The following PDZRN3 variants were observed in gnomAD, a reference collection of about 807,000 sequenced individuals.
PDZRN3 encodes the protein E3 ubiquitin-protein ligase PDZRN3.
A neutral mutation model predicts 85.7 loss-of-function variants in PDZRN3; 38 were observed. The ratio of observed to expected loss-of-function variants is 0.44; its 90% CI spans 0.34 to 0.58. PDZRN3 has a LOEUF of 0.58. Ranked by LOEUF, PDZRN3 falls within the 20% of genes least tolerant of loss-of-function variation. The pLI, the probability that PDZRN3 is intolerant of heterozygous loss-of-function variation, is 0.01. For synonymous variants in PDZRN3, 759 were observed against 638.0 expected, an observed-to-expected ratio of 1.19 and a Z score of -2.86; for missense variants, 1,629 against 1,506.4, an observed-to-expected ratio of 1.08 and a Z score of -1.35.
At chr3:73,420,690 C>G (rs1186858481) in intron 3 of PDZRN3, among the ~76,000 whole-genome samples, 4 of 152,176 alleles carry the variant, frequency 2.6e-5, no homozygotes, top group African/African-American at 9.7e-5. Context: ...AGATGACCCT[C>G]TTTGACCCAA....
chr3:73,576,097 T>C (rs1437609914), intron 3 of PDZRN3, among the ~76,000 whole-genome samples: 1 of 149,068 alleles, frequency 6.7e-6, no homozygotes, highest in Non-Finnish European at 1.5e-5. Context: ...ATTACACACA[T>C]GCATGCATAC....
intron 3 of PDZRN3, 153 bp from the exon 4 acceptor site, chr3:73,404,548 C>T (rs939175476): frequency 7.2e-6 from 5 of 696,892 alleles, no homozygotes; most frequent in Admixed American, 3.0e-5. Flanking sequence ...TTAGGTTTCC[C>T]GAAGAATGCC....
chr3:73,402,207 G>A (rs894941011), intron 4 of PDZRN3, among the ~76,000 whole-genome samples: 1 of 152,168 alleles, frequency 6.6e-6, no homozygotes, highest in African/African-American at 2.4e-5. Flanking sequence ...ATGTTAACTA[G>A]ACCTAAGAGG....
intron 3 of PDZRN3, among the ~76,000 whole-genome samples, chr3:73,532,761 G>C (rs934703235): frequency 5.3e-5 from 8 of 152,160 alleles, no homozygotes; most frequent in Non-Finnish European, 8.8e-5. Context: ...TAAGTGAAGA[G>C]GCATTACAGA....
chr3:73,489,518 A>G (rs1328760528), intron 3 of PDZRN3, among the ~76,000 whole-genome samples: 1 of 151,488 alleles, frequency 6.6e-6, no homozygotes, highest in Admixed American at 6.6e-5. Flanking sequence ...GTTGCCCTGC[A>G]TAAGACTAAA....
At chr3:73,513,223 C>T (rs1004847028) in intron 3 of PDZRN3, among the ~76,000 whole-genome samples, 2 of 152,162 alleles carry the variant, frequency 1.3e-5, no homozygotes, top group African/African-American at 2.4e-5. Context: ...AAGATTGCTA[C>T]GAGTGAGCTG....
At position 73,599,561 on chromosome 3, in the gene PDZRN3, G is replaced by T. The variant is rs562192929; in HGVS notation, c.918+2793C>A. Among the ~76,000 whole-genome samples the T allele has an allele frequency of 2.6e-5, 4 of 152,294 alleles. No homozygotes were observed. In the East Asian group the frequency reaches 5.8e-4, roughly 22 times the overall value. ...ATGCCACTGCATAACCATTTAAAAT[G>T]GTTAAAATGGTAAATTCTGTTATGT... is the stretch of plus-strand genomic sequence containing the variant. On this transcript the variant is annotated intron_variant, in intron 3 of 9. Transcript: ENST00000263666.
intron 3 of PDZRN3, among the ~76,000 whole-genome samples, chr3:73,450,256 G>A (rs1219465137): frequency 6.6e-6 from 1 of 152,098 alleles, no homozygotes; most frequent in Non-Finnish European, 1.5e-5. Context: ...GATCCCATAT[G>A]CCTTCTCAGT....
In PDZRN3 at chr3:73,492,345, T is replaced by C. The variant is rs369699697; in HGVS notation, c.919-87950A>G. Among the ~76,000 whole-genome samples, 60 of 152,320 alleles carry C rather than the reference T, an allele frequency of 3.9e-4. 5 individuals carry two copies. Among genetic ancestry groups the C allele is most frequent in the East Asian group, 1.9e-3 (10 of 5,194 alleles). Reference sequence around the variant, plus strand: ...GAGTAGCTTATATCATAGGCTGGGCTGTGTGCCTGTGAGCTCGCTACGGTC... The same window carrying C: ...GAGTAGCTTATATCATAGGCTGGGCCGTGTGCCTGTGAGCTCGCTACGGTC... On this transcript the variant is annotated intron_variant, in intron 3 of 9. Coordinates refer to ENST00000263666, the MANE Select transcript of PDZRN3 (RefSeq NM_015009.3).
chr3:73,534,433 T>C (rs1055551350), intron 3 of PDZRN3, among the ~76,000 whole-genome samples: 2 of 152,246 alleles, frequency 1.3e-5, no homozygotes, highest in Non-Finnish European at 2.9e-5. Flanking sequence ...TCTTTGGAAA[T>C]GAATTTTACA....
rs1032952408 is a variant in PDZRN3 at position 73,608,665 on chromosome 3, A to G, written c.743T>C (p.Leu248Pro). 1 of 1,611,792 alleles carries G rather than the reference A, an allele frequency of 6.2e-7. No individual in the cohort carries two copies. The highest frequency in any genetic ancestry group is 1.3e-5 in the African/African-American group (1 of 74,892). ...GGAGTCCCGATGCAGGACAAGAGTC[A>G]GACTTTTGGTTTCTTCGCCCTGCAG... ...PGGKGEETKS[L>P]TLVLHRDSGS... The change falls in exon 2 of 10, where the codon CTG (leucine) becomes CCG (proline). Residue 248 changes from leucine (L) to proline (P), a missense_variant. By Grantham distance (98) the Leu-to-Pro change is moderately conservative. Transcript: ENST00000263666.
At chr3:73,453,027 A>C (rs2106846351) in intron 3 of PDZRN3, among the ~76,000 whole-genome samples, 1 of 152,292 alleles carries the variant, frequency 6.6e-6, no homozygotes, top group Non-Finnish European at 1.5e-5. Flanking sequence ...TCTGCCATTG[A>C]ATACAAGGAA....
chr3:73,464,692 G>T (rs79399341), intron 3 of PDZRN3, among the ~76,000 whole-genome samples: 3,464 of 152,092 alleles, frequency 0.023, 54 homozygotes, highest in Non-Finnish European at 0.035. Flanking sequence ...AGAAAAAAAG[G>T]TGTCTCTTTT....
At chr3:73,488,064 T>C (rs1703697807) in intron 3 of PDZRN3, among the ~76,000 whole-genome samples, 1 of 85,918 alleles carries the variant, frequency 1.2e-5, no homozygotes, top group Non-Finnish European at 2.0e-5. Context: ...AGGGGGCAAA[T>C]GAAAGGCACA....
At chr3:73,491,437 A>T (rs570590479) in intron 3 of PDZRN3, among the ~76,000 whole-genome samples, 1 of 152,202 alleles carries the variant, frequency 6.6e-6, no homozygotes, top group African/African-American at 2.4e-5. Flanking sequence ...GAAGATGCAA[A>T]TTTATATTGC....
At chr3:73,593,709 TACAC>T (rs57922621) in intron 3 of PDZRN3, among the ~76,000 whole-genome samples, 44,502 of 141,544 alleles carry the variant, frequency 0.31, 7,853 homozygotes, top group Non-Finnish European at 0.4. Flanking sequence ...GAAATAAATA[TACAC>T]ACACACACAC....
intron 3 of PDZRN3, among the ~76,000 whole-genome samples, chr3:73,563,329 C>G (rs943317581): frequency 2.6e-5 from 4 of 151,556 alleles, no homozygotes; most frequent in Non-Finnish European, 5.9e-5. Flanking sequence ...GCCACTGTGC[C>G]CAGCCGCCAA....
intron 3 of PDZRN3, among the ~76,000 whole-genome samples, chr3:73,590,025 T>A (rs1182420262): frequency 1.3e-5 from 2 of 151,894 alleles, no homozygotes; most frequent in African/African-American, 4.8e-5. Flanking sequence ...TCCCAACACT[T>A]TGGGAGGCCA....
chr3:73,391,764 C>G (rs1489554836), intron 5 of PDZRN3, among the ~76,000 whole-genome samples: 1 of 152,132 alleles, frequency 6.6e-6, no homozygotes, highest in Non-Finnish European at 1.5e-5. Context: ...AGAATGAAGT[C>G]AGAACTTTGG....
Sources: allele counts gnomAD v4.1 joint callset (sites outside exome capture counted in the v4.1 genomes callset), GRCh38; gene constraint gnomAD v4.1.1; transcripts MANE v1.5; gene names NCBI Gene and HGNC (gene_info 2026-07-23, HGNC 2026-07-21).